The following DENND1B variants were observed in gnomAD, a reference collection of about 807,000 sequenced individuals.
DENND1B encodes the protein DENN domain-containing protein 1B.
DENND1B carries 59 observed loss-of-function variants against 90.1 expected under a neutral mutation model. The ratio of observed to expected loss-of-function variants is 0.65; its 90% confidence interval spans 0.53 to 0.81. The LOEUF is 0.81. DENND1B is among the 40% of genes least tolerant of loss of function. The probability of loss-of-function intolerance (pLI) is 0.00; values close to 1 mark genes in which losing one functional copy is unlikely to be tolerated. For missense variants in DENND1B, 862 were observed against 912.6 expected (o/e 0.94, Z 0.71); for synonymous variants, 337 against 324.6 (o/e 1.04, Z -0.41).
At chr1:197,687,143 A>G (rs185752241) in intron 3 of DENND1B, among the ~76,000 whole-genome samples, 3 of 152,336 alleles carry the variant, frequency 2.0e-5, no homozygotes, top group Admixed American at 2.0e-4. Context: ...AGAGTTCAGA[A>G]TGCATTGACT....
chr1:197,620,187 G>C (rs1678027615), intron 10 of DENND1B, among the ~76,000 whole-genome samples: 1 of 151,126 alleles, frequency 6.6e-6, no homozygotes, highest in South Asian at 2.1e-4. Context: ...TGCAAGAGCT[G>C]TGAAACTTAA....
intron 2 of DENND1B, among the ~76,000 whole-genome samples, chr1:197,748,821 T>C (rs956899048): frequency 6.6e-6 from 1 of 152,226 alleles, no homozygotes; most frequent in Non-Finnish European, 1.5e-5. Flanking sequence ...TAAGCCACTA[T>C]GTTTATGGTA....
intron 15 of DENND1B, among the ~76,000 whole-genome samples, chr1:197,564,909 G>A (rs1405888011): frequency 2.0e-5 from 3 of 151,876 alleles, no homozygotes; most frequent in Non-Finnish European, 4.4e-5. Flanking sequence ...AAGAGATGCT[G>A]GGAGAAAAAG....
At chr1:197,616,930 A>G (rs1677706495) in intron 11 of DENND1B, among the ~76,000 whole-genome samples, 2 of 151,058 alleles carry the variant, frequency 1.3e-5, no homozygotes, top group Non-Finnish European at 3.0e-5. Flanking sequence ...CTAGTCTTGA[A>G]GAAGGCCCAG....
rs139056668 is a variant in DENND1B, at chr1:197,580,087, C to CTTT, written c.1149+3062_1149+3064dup. ...TAATTTTTCTTTCTTTTCTTTCTTT[C>CTTT]TTTTTTTTTTTTTTTTTTTTTTGAG... On this transcript the variant is annotated intron_variant, in intron 15 of 22. Coordinates refer to ENST00000620048, the MANE Select transcript of DENND1B (RefSeq NM_001195215.2). Among the ~76,000 whole-genome samples the CTTT allele has an allele frequency of 6.2e-3, 473 of 76,752 alleles. 5 individuals carry two copies. Among genetic ancestry groups the CTTT allele is most frequent in the East Asian group, 7.4e-3 (17 of 2,282 alleles). The allele number at this position is 76,752 out of a possible 152,430, so 50.4% of individuals were successfully genotyped here.
intron 18 of DENND1B, 34 bp from the exon 19 acceptor site, chr1:197,541,049 A>G (rs767026092): frequency 5.0e-6 from 8 of 1,594,520 alleles, no homozygotes; most frequent in Middle Eastern, 1.7e-4. Context: ...CTGGCTCAGG[A>G]TGGTTCCATT....
At chr1:197,762,601 TAC>T (rs1175582289) in intron 2 of DENND1B, among the ~76,000 whole-genome samples, 1 of 152,214 alleles carries the variant, frequency 6.6e-6, no homozygotes, top group African/African-American at 2.4e-5. Flanking sequence ...CCTAATACAA[TAC>T]AATTTTATTA....
At chr1:197,655,865 A>G (rs1653765946) in intron 6 of DENND1B, among the ~76,000 whole-genome samples, 1 of 152,126 alleles carries the variant, frequency 6.6e-6, no homozygotes, top group Non-Finnish European at 1.5e-5. Context: ...TTCTACCAGT[A>G]ACAATTAGTG....
rs770200921 is a variant in DENND1B, at chr1:197,545,004, C to G, written c.1350+918G>C. ...GAAGGGGAAGAAGGAAGAAGGAAGA[C>G]GACGACGACGACGACGAAAGAAGGA... On this transcript the variant is annotated intron_variant, in intron 18 of 22. Transcript: ENST00000620048. 9.8e-3 allele frequency among the ~76,000 whole-genome samples: 81 copies of G among 8,226 alleles called. No individual in the cohort carries two copies. The East Asian group carries it at 0.11, about 11-fold the overall frequency. The allele number at this position is 8,226 out of a possible 152,430, so 5.4% of individuals were successfully genotyped here. A position where few individuals can be genotyped will look rare whatever the true frequency, so the allele number is the denominator to read the frequency against.
chr1:197,572,466 T>C (rs1055903929), intron 15 of DENND1B, among the ~76,000 whole-genome samples: 1 of 152,228 alleles, frequency 6.6e-6, no homozygotes, highest in Non-Finnish European at 1.5e-5. Context: ...ACTGCCTCTA[T>C]AGACTCCACC....
intron 2 of DENND1B, chr1:197,746,626 C>G: frequency 3.3e-6 from 2 of 610,090 alleles, no homozygotes; most frequent in East Asian, 2.9e-5. Flanking sequence ...ATCAAACTCC[C>G]AAATTTTATG....
At chr1:197,775,679 G>C (rs79658043), upstream of DENND1B, 1 of 152,400 alleles carries the variant, frequency 6.6e-6, no homozygotes, top group Admixed American at 6.5e-5. Flanking sequence ...TAGCCAGAAA[G>C]GCAAGGTGCC....
At chr1:197,655,852 G>C (rs1356852546) in intron 6 of DENND1B, among the ~76,000 whole-genome samples, 1 of 151,940 alleles carries the variant, frequency 6.6e-6, no homozygotes, top group Non-Finnish European at 1.5e-5. Flanking sequence ...TAAAAGATAA[G>C]TGTTCTACCA....
chr1:197,561,158 T>C (rs1672129343), intron 15 of DENND1B, among the ~76,000 whole-genome samples: 1 of 151,984 alleles, frequency 6.6e-6, no homozygotes, highest in Admixed American at 6.6e-5. Context: ...ATTCCATTCT[T>C]CACAGCAAAA....
chr1:197,718,798 C>T (rs1279739979), intron 2 of DENND1B, among the ~76,000 whole-genome samples: 2 of 152,032 alleles, frequency 1.3e-5, no homozygotes, highest in Non-Finnish European at 2.9e-5. Context: ...AAGCAGAATA[C>T]CTTTTAGAAA....
intron 2 of DENND1B, among the ~76,000 whole-genome samples, chr1:197,723,924 AAC>A (rs1203040799): frequency 1.1e-4 from 17 of 152,158 alleles, no homozygotes; most frequent in Non-Finnish European, 2.5e-4. Flanking sequence ...ATTGTCAAGA[AAC>A]AGTCTTAATG....
rs10922271 is a variant in DENND1B, at chr1:197,701,791, T to C, written c.126+13240A>G. Reference sequence around the variant, plus strand: ...AGCTACATGCTAATTGCCTAGGCTATGTTCATTTGTTTAAAATTTGGTAAA... The same window carrying C: ...AGCTACATGCTAATTGCCTAGGCTACGTTCATTTGTTTAAAATTTGGTAAA... On this transcript the variant is annotated intron_variant, in intron 3 of 22. Transcript: ENST00000620048. 1.2e-3 allele frequency among the ~76,000 whole-genome samples: 182 copies of C among 152,306 alleles called. 1 individual carries two copies. In the East Asian group the frequency reaches 0.028, roughly 24 times the overall value.
intron 1 of DENND1B, 56 bp downstream of exon 1, chr1:197,775,083 T>C (rs1657132003): frequency 8.4e-7 from 1 of 1,184,722 alleles, no homozygotes; most frequent in African/African-American, 1.6e-5. Flanking sequence ...CGAGCTGGCC[T>C]GGGAGGGGCC....
intron 15 of DENND1B, among the ~76,000 whole-genome samples, chr1:197,560,975 T>C (rs1021031339): frequency 1.3e-5 from 2 of 151,946 alleles, no homozygotes; most frequent in Admixed American, 6.6e-5. Flanking sequence ...GCTCACAGAC[T>C]GCCTTTTCTC....
Sources: gnomAD v4.1 joint callset for allele counts (sites outside exome capture counted in the v4.1 genomes callset) on GRCh38, gnomAD v4.1.1 for gene constraint, MANE v1.5 for transcripts, NCBI Gene and HGNC (gene_info 2026-07-23, HGNC 2026-07-21) for gene names.